Variants in MFAP3 observed in about 807,000 individuals in gnomAD.
MFAP3 encodes microfibril associated protein 3.
A neutral mutation model predicts 20.5 loss-of-function variants in MFAP3; 8 were observed. The ratio of observed to expected loss-of-function variants is 0.39; its 90% confidence interval spans 0.23 to 0.70. MFAP3 has a LOEUF of 0.70. Ranked by LOEUF, MFAP3 falls within the 30% of genes least tolerant of loss-of-function variation. The probability of loss-of-function intolerance (pLI) is 0.44; values close to 1 mark genes in which losing one functional copy is unlikely to be tolerated. For missense variants in MFAP3, 398 were observed against 444.6 expected (o/e 0.90, Z 0.94); for synonymous variants, 140 against 154.0 (o/e 0.91, Z 0.67).
chr5:154,047,530 A>G (rs1209500966), intron 1 of MFAP3, among the ~76,000 whole-genome samples: 2 of 146,848 alleles, frequency 1.4e-5, no homozygotes, highest in African/African-American at 5.1e-5. Flanking sequence ...TTTTGGTTTT[A>G]CTACAGAGAG....
chr5:154,054,564 G>A lies in MFAP3; in HGVS notation c.*851G>A, dbSNP rs1773285621. The A allele has an allele frequency of 1.2e-5, 2 of 167,088 alleles. No homozygotes were observed. The highest frequency in any genetic ancestry group is 2.1e-4 in the South Asian group (1 of 4,826). 10.4% of individuals were successfully genotyped at this position (167,088 alleles called of 1,614,324 possible). On this transcript the variant is annotated 3_prime_UTR_variant, in exon 3 of 3. Transcript: ENST00000522782. Reference sequence around the variant, plus strand: ...CTTTGATGCTTTTAGAATAAGAACAGTGTCAAATCATCTGTCTTCTGGAAA... The same window carrying A: ...CTTTGATGCTTTTAGAATAAGAACAATGTCAAATCATCTGTCTTCTGGAAA...
intron 1 of MFAP3, among the ~76,000 whole-genome samples, chr5:154,048,656 A>G (rs1320514112): frequency 6.6e-6 from 1 of 152,208 alleles, no homozygotes; most frequent in African/African-American, 2.4e-5. Flanking sequence ...TCATAAATAC[A>G]TAGACTTTTG....
chr5:154,049,254 G>A (rs895291086), intron 1 of MFAP3, among the ~76,000 whole-genome samples: 9 of 152,314 alleles, frequency 5.9e-5, no homozygotes, highest in African/African-American at 2.2e-4. Context: ...AGAGTCCTTA[G>A]AGATTATCTC....
At chr5:154,046,836 A>G (rs1447781304) in intron 1 of MFAP3, among the ~76,000 whole-genome samples, 1 of 152,096 alleles carries the variant, frequency 6.6e-6, no homozygotes, top group Non-Finnish European at 1.5e-5. Flanking sequence ...GGATGTGACC[A>G]TACCCCCAGG....
intron 1 of MFAP3, among the ~76,000 whole-genome samples, chr5:154,044,176 C>T (rs188653183): frequency 2.2e-4 from 34 of 152,294 alleles, no homozygotes; most frequent in Admixed American, 1.6e-3. Flanking sequence ...TCATCTTCCA[C>T]GATGGATCCT....
intron 2 of MFAP3, among the ~76,000 whole-genome samples, chr5:154,050,681 TTTTG>T (rs1302634500): frequency 4.0e-5 from 6 of 151,612 alleles, no homozygotes; most frequent in Non-Finnish European, 7.4e-5. Flanking sequence ...TTTTTGCATT[TTTTG>T]TTTATGTCTT....
chr5:154,056,422 A>G lies in MFAP3; in HGVS notation c.*2709A>G, dbSNP rs184810280. ...TTCTGTATCTAATCAAATACTCTTC[A>G]TATATAATTAAGCCTCATGTTATCT... is the stretch of plus-strand genomic sequence containing the variant. On this transcript the variant is annotated 3_prime_UTR_variant, in exon 3 of 3. Transcript: ENST00000522782. 8.0e-4 allele frequency among the ~76,000 whole-genome samples: 122 copies of G among 152,328 alleles called. No homozygotes were observed. The East Asian group carries it at 0.015, about 19-fold the overall frequency.
chr5:154,052,630 A>T (rs1177980979), intron 2 of MFAP3, among the ~76,000 whole-genome samples: 1 of 152,176 alleles, frequency 6.6e-6, no homozygotes, highest in African/African-American at 2.4e-5. Context: ...TTTTATAGAC[A>T]TACCTGTTTC....
At chr5:154,041,672 G>A (rs1175869222) in intron 1 of MFAP3, among the ~76,000 whole-genome samples, 1 of 152,140 alleles carries the variant, frequency 6.6e-6, no homozygotes, top group Non-Finnish European at 1.5e-5. Context: ...AAATTACCCT[G>A]AATTGCTCAG....
chr5:154,054,562 C>T lies in MFAP3; in HGVS notation c.*849C>T, dbSNP rs1269024422. On this transcript the variant is annotated 3_prime_UTR_variant, in exon 3 of 3. Coordinates refer to ENST00000522782, the MANE Select transcript of MFAP3 (RefSeq NM_005927.5). ...GTCTTTGATGCTTTTAGAATAAGAA[C>T]AGTGTCAAATCATCTGTCTTCTGGA... The T allele has an allele frequency of 4.8e-5, 8 of 166,930 alleles. No individual in the cohort carries two copies. Among genetic ancestry groups the T allele is most frequent in the Non-Finnish European group, 5.9e-5 (4 of 68,106 alleles). 10.3% of individuals were successfully genotyped at this position (166,930 alleles called of 1,614,324 possible).
rs1278428784 is a variant in MFAP3, at chr5:154,056,651, G to A, written c.*2938G>A. On this transcript the variant is annotated 3_prime_UTR_variant, in exon 3 of 3. Transcript: ENST00000522782. ...ACCTTATTGTCCTTATGAAATGGTA[G>A]CTTTGTGAAATACATTCACCAAAAA... is the stretch of plus-strand genomic sequence containing the variant. Among the ~76,000 whole-genome samples, 4 of 152,128 alleles carry A rather than the reference G, an allele frequency of 2.6e-5. No individual in the cohort carries two copies. Among genetic ancestry groups the A allele is most frequent in the Admixed American group, 2.6e-4 (4 of 15,264 alleles).
chr5:154,044,184 C>G (rs547695609), intron 1 of MFAP3, among the ~76,000 whole-genome samples: 36 of 152,204 alleles, frequency 2.4e-4, no homozygotes, highest in Non-Finnish European at 4.6e-4. Flanking sequence ...CACGATGGAT[C>G]CTTGACCTAG....
chr5:154,045,248 A>G (rs1382921367), intron 1 of MFAP3, among the ~76,000 whole-genome samples: 3 of 152,104 alleles, frequency 2.0e-5, no homozygotes, highest in South Asian at 4.2e-4. Context: ...ACCCAAGAAG[A>G]TAGGGATAGG....
At position 154,056,066 on chromosome 5, in the gene MFAP3, T is replaced by A. The variant is rs916150077; in HGVS notation, c.*2353T>A. ...AATGGTTTTACCCCACATGTTCTCA[T>A]AGGAGACATTATTATTTAGAACCCT... On this transcript the variant is annotated 3_prime_UTR_variant, in exon 3 of 3. Transcript: ENST00000522782. Among the ~76,000 whole-genome samples the A allele has an allele frequency of 1.3e-5, 2 of 152,214 alleles. No homozygotes were observed. The highest frequency in any genetic ancestry group is 4.8e-5 in the African/African-American group (2 of 41,450).
At chr5:154,040,285 T>C (rs1214482209) in intron 1 of MFAP3, among the ~76,000 whole-genome samples, 1 of 152,248 alleles carries the variant, frequency 6.6e-6, no homozygotes, top group East Asian at 1.9e-4. Flanking sequence ...ATAAACTCAT[T>C]ATATGTTAAC....
rs746815313 is a variant in MFAP3, at chr5:154,053,603, A to C, written c.979A>C (p.Ile327Leu). 2.6e-5 allele frequency: 42 copies of C among 1,613,894 alleles called. No individual in the cohort carries two copies. Among genetic ancestry groups the C allele is most frequent in the Non-Finnish European group, 3.4e-5 (40 of 1,179,944 alleles). ...SVHLQSETKS[I>L]DTESQGSSHF... Reference sequence around the variant, plus strand: ...CCACCTTCAGTCAGAAACCAAAAGTATTGATACAGAGTCTCAAGGCAGCAG... The same window carrying C: ...CCACCTTCAGTCAGAAACCAAAAGTCTTGATACAGAGTCTCAAGGCAGCAG... Residue 327 changes from isoleucine (I) to leucine (L), a missense_variant, in exon 3 of 3, where the codon ATT becomes CTT. By Grantham distance (5) the Ile-to-Leu change is conservative (BLOSUM62 2). Coordinates refer to ENST00000522782, the MANE Select transcript of MFAP3 (RefSeq NM_005927.5).
chr5:154,051,054 A>G (rs1463099398), intron 2 of MFAP3, among the ~76,000 whole-genome samples: 2 of 152,176 alleles, frequency 1.3e-5, no homozygotes, highest in African/African-American at 2.4e-5. Context: ...CACTATTTTA[A>G]TCTATAGACT....
At chr5:154,049,274 C>T (rs1407319592) in intron 1 of MFAP3, among the ~76,000 whole-genome samples, 2 of 152,124 alleles carry the variant, frequency 1.3e-5, no homozygotes, top group Non-Finnish European at 1.5e-5. Context: ...CATCCAGTCC[C>T]TTATTTGACA....
chr5:154,052,827 A>C lies in MFAP3; in HGVS notation c.296-93A>C, dbSNP rs572792700. The C allele has an allele frequency of 2.4e-5, 26 of 1,097,070 alleles. No homozygotes were observed. In the South Asian group the frequency reaches 3.8e-4, roughly 16 times the overall value. 68.0% of individuals were successfully genotyped at this position (1,097,070 alleles called of 1,614,324 possible). On this transcript the variant is annotated intron_variant, in intron 2 of 2. Transcript: ENST00000522782. ...TCTAACAAATCAGCTAAGTTAAAGT[A>C]CTTTGATAAAGAGGTGGAATATGGA...
Sources: gnomAD v4.1 joint callset for allele counts (sites outside exome capture counted in the v4.1 genomes callset) on GRCh38, gnomAD v4.1.1 for gene constraint, MANE v1.5 for transcripts, NCBI Gene and HGNC (gene_info 2026-07-23, HGNC 2026-07-21) for gene names.